Variants in XNDC1N observed in about 807,000 individuals in gnomAD.
XNDC1N encodes the protein XRCC1 N-terminal domain containing 1, N-terminal like.
chr11:71,914,027 A>T, the XNDC1N span, among the ~76,000 whole-genome samples: 2 of 152,214 alleles, frequency 1.3e-5, no homozygotes, highest in African/African-American at 4.8e-5. Context: ...AATGCACCTA[A>T]GCCAAGAGCT....
chr11:71,875,985 G>A, the XNDC1N span, among the ~76,000 whole-genome samples: 1 of 152,098 alleles, frequency 6.6e-6, no homozygotes, highest in African/African-American at 2.4e-5. Context: ...AGATCATGCT[G>A]CTGCCCTCCA....
chr11:71,924,314 G>A, the XNDC1N span, among the ~76,000 whole-genome samples: 4 of 152,056 alleles, frequency 2.6e-5, no homozygotes, highest in Non-Finnish European at 5.9e-5. Flanking sequence ...AGGAGTTGGA[G>A]GCTGCAGTGA....
the XNDC1N span, among the ~76,000 whole-genome samples, chr11:71,913,907 G>A: frequency 6.6e-6 from 1 of 152,156 alleles, no homozygotes; most frequent in Non-Finnish European, 1.5e-5. Context: ...GCAAAGCCTA[G>A]ATGACAGCAC....
At chr11:71,893,021 T>C in the XNDC1N span, among the ~76,000 whole-genome samples, 2 of 152,256 alleles carry the variant, frequency 1.3e-5, no homozygotes, top group Admixed American at 6.5e-5. Flanking sequence ...GTCGTCCTTT[T>C]ACATATTCTA....
the XNDC1N span, chr11:71,917,496 A>T: frequency 1.5e-6 from 1 of 688,078 alleles, no homozygotes; most frequent in Non-Finnish European, 2.7e-6. Flanking sequence ...CAACAGATAT[A>T]ATTAAACCCC....
At chr11:71,883,304 C>A in the XNDC1N span, among the ~76,000 whole-genome samples, 1 of 150,862 alleles carries the variant, frequency 6.6e-6, no homozygotes, top group Non-Finnish European at 1.5e-5. Flanking sequence ...GCAAGAAAAA[C>A]AAAGCTAGGG....
At chr11:71,876,806 G>T in the XNDC1N span, among the ~76,000 whole-genome samples, 3 of 152,204 alleles carry the variant, frequency 2.0e-5, no homozygotes, top group Non-Finnish European at 2.9e-5. Context: ...TCTCAGAGAG[G>T]TGAGAAAAAG....
At chr11:71,877,338 C>A in the XNDC1N span, among the ~76,000 whole-genome samples, 2 of 152,246 alleles carry the variant, frequency 1.3e-5, no homozygotes, top group Non-Finnish European at 2.9e-5. Context: ...ACTTTGCAGT[C>A]TCTGAAGTTG....
At chr11:71,923,283 C>G in the XNDC1N span, 1 of 702,446 alleles carries the variant, frequency 1.4e-6, no homozygotes, top group Non-Finnish European at 2.6e-6. Context: ...ATTAAGAAAA[C>G]AAATCATGCC....
the XNDC1N span, among the ~76,000 whole-genome samples, chr11:71,920,906 G>A: frequency 5.3e-5 from 8 of 152,174 alleles, no homozygotes; most frequent in South Asian, 6.2e-4. Context: ...CGGAGGTTGC[G>A]GTCAGCCGAG....
chr11:71,869,906 T>G, the XNDC1N span, among the ~76,000 whole-genome samples: 1 of 152,208 alleles, frequency 6.6e-6, no homozygotes, highest in African/African-American at 2.4e-5. Context: ...TCTGTATTAA[T>G]CTGTTCTCAA....
the XNDC1N span, among the ~76,000 whole-genome samples, chr11:71,866,720 C>T: frequency 3.4e-4 from 52 of 151,660 alleles, no homozygotes; most frequent in African/African-American, 1.1e-3. Context: ...GCCGAGATTG[C>T]GCCACTGTAC....
the XNDC1N span, among the ~76,000 whole-genome samples, chr11:71,905,788 A>G: frequency 1.3e-5 from 2 of 152,090 alleles, 1 homozygote; most frequent in South Asian, 4.1e-4. Context: ...ATGTACACAC[A>G]TGGGGTACAC....
the XNDC1N span, among the ~76,000 whole-genome samples, chr11:71,890,833 T>C: frequency 6.6e-6 from 1 of 152,042 alleles, no homozygotes; most frequent in African/African-American, 2.4e-5. Flanking sequence ...GGAAGGGATG[T>C]ACAGACCCTG....
the XNDC1N span, among the ~76,000 whole-genome samples, chr11:71,870,044 T>C: frequency 6.6e-6 from 1 of 152,300 alleles, no homozygotes; most frequent in African/African-American, 2.4e-5. Context: ...AATTACGTCT[T>C]ACGTGGTGTC....
the XNDC1N span, among the ~76,000 whole-genome samples, chr11:71,907,169 GAAT>G: frequency 0.025 from 3,843 of 152,148 alleles, 53 homozygotes; most frequent in East Asian, 0.074. Flanking sequence ...ACATTATCAC[GAAT>G]AATATCACAG....
the XNDC1N span, among the ~76,000 whole-genome samples, chr11:71,888,817 C>T: frequency 1.3e-5 from 2 of 152,220 alleles, no homozygotes; most frequent in Non-Finnish European, 2.9e-5. Context: ...AGACTTTGCT[C>T]TGTGAAAATC....
the XNDC1N span, among the ~76,000 whole-genome samples, chr11:71,906,820 T>C: frequency 6.6e-6 from 1 of 152,274 alleles, no homozygotes; most frequent in South Asian, 2.1e-4. Context: ...GTGCAACATC[T>C]GTGGCATTAA....
the XNDC1N span, among the ~76,000 whole-genome samples, chr11:71,920,952 G>A: frequency 1.3e-5 from 2 of 152,100 alleles, no homozygotes; most frequent in Admixed American, 6.5e-5. Flanking sequence ...GAGACAGAGT[G>A]AGACCCTATC....
Sources: gnomAD v4.1 joint callset for allele counts (sites outside exome capture counted in the v4.1 genomes callset) on GRCh38, gnomAD v4.1.1 for gene constraint, MANE v1.5 for transcripts, NCBI Gene and HGNC (gene_info 2026-07-23, HGNC 2026-07-21) for gene names.